Variants in TNNI3K observed in about 807,000 individuals in gnomAD.
TNNI3K encodes serine/threonine-protein kinase TNNI3K.
Under a neutral mutation model 114.5 loss-of-function variants are expected in TNNI3K, and 140 were observed. The observed-to-expected ratio is 1.22, with a 90% CI of 1.07 to 1.41. TNNI3K has a LOEUF of 1.41. TNNI3K is among the 40% of genes most tolerant of loss of function. TNNI3K has a pLI of 0.00. For synonymous variants in TNNI3K, 347 were observed against 347.5 expected, an observed-to-expected ratio of 1.00 and a Z score of 0.02; for missense variants, 1,125 against 1,007.6, an observed-to-expected ratio of 1.12 and a Z score of -1.58.
At chr1:74,355,095 T>C (rs976246902) in intron 11 of TNNI3K, among the ~76,000 whole-genome samples, 5 of 152,214 alleles carry the variant, frequency 3.3e-5, no homozygotes, top group African/African-American at 1.2e-4. Flanking sequence ...TAGGTTATAA[T>C]TGAATACTAT....
intron 20 of TNNI3K, among the ~76,000 whole-genome samples, chr1:74,461,809 T>C (rs1293053038): frequency 6.6e-6 from 1 of 152,200 alleles, no homozygotes; most frequent in Non-Finnish European, 1.5e-5. Context: ...CAAAATATCA[T>C]AAATGAATAA....
intron 23 of TNNI3K, among the ~76,000 whole-genome samples, chr1:74,526,497 G>T (rs1009111884): frequency 1.7e-4 from 26 of 152,142 alleles, no homozygotes; most frequent in Middle Eastern, 3.2e-3. Flanking sequence ...GGCCAAGTTA[G>T]TTGAGCTCTC....
Position 74,540,294 on chromosome 1 carries a change from C to T in TNNI3K, c.2412C>T (p.Tyr804=). ...SLEEMKRSLQ[Y]TPIDKYGYVS... is the part of the protein sequence containing the mutation. The stretch of plus-strand genomic sequence containing the variant: ...AGGAGATGAAAAGAAGTCTTCAATA[C>T]ACACCCATTGACAAATATGGTAAGT... Residue 804 remains tyrosine, a synonymous_variant, in exon 24 of 25, where the codon TAC becomes TAT. Transcript: ENST00000326637. 1 of 1,612,120 alleles carries T rather than the reference C, an allele frequency of 6.2e-7. No individual in the cohort carries two copies.
At chr1:74,298,876 T>C (rs1658150664) in intron 5 of TNNI3K, among the ~76,000 whole-genome samples, 1 of 152,140 alleles carries the variant, frequency 6.6e-6, no homozygotes, top group African/African-American at 2.4e-5. Flanking sequence ...AGCATCAATG[T>C]ATCTTCTAAA....
intron 23 of TNNI3K, among the ~76,000 whole-genome samples, chr1:74,501,699 G>T (rs1014949748): frequency 1.3e-5 from 2 of 152,002 alleles, no homozygotes; most frequent in Non-Finnish European, 1.5e-5. Context: ...ATGTTGGTCA[G>T]GCTGGTTGTG....
chr1:74,446,107 A>G (rs1334468329), intron 20 of TNNI3K, among the ~76,000 whole-genome samples: 6 of 152,024 alleles, frequency 3.9e-5, no homozygotes, highest in Non-Finnish European at 8.8e-5. Context: ...TCCCTGAGGA[A>G]TCGCCACACT....
chr1:74,291,987 G>T (rs1365375736), intron 5 of TNNI3K, among the ~76,000 whole-genome samples: 1 of 151,394 alleles, frequency 6.6e-6, no homozygotes, highest in African/African-American at 2.4e-5. Context: ...CTAGATCTCT[G>T]TTCTGTTCAT....
intron 23 of TNNI3K, among the ~76,000 whole-genome samples, chr1:74,525,912 G>A (rs1514176): frequency 0.47 from 71,910 of 152,026 alleles, 18,057 homozygotes; most frequent in Non-Finnish European, 0.57. Context: ...TTCAATGAGA[G>A]CAAGGCACCC....
At chr1:74,325,649 T>G (rs492428) in intron 5 of TNNI3K, among the ~76,000 whole-genome samples, 141,312 of 152,168 alleles carry the variant, frequency 0.93, 65,709 homozygotes, top group East Asian at 1. Flanking sequence ...GAGTGGTGAG[T>G]TCTAAAGACA....
At chr1:74,308,411 CT>C (rs1409521823) in intron 5 of TNNI3K, among the ~76,000 whole-genome samples, 2 of 152,134 alleles carry the variant, frequency 1.3e-5, no homozygotes, top group Non-Finnish European at 2.9e-5. Context: ...TCCTGAATGA[CT>C]TTTGAATAAA....
intron 17 of TNNI3K, among the ~76,000 whole-genome samples, chr1:74,427,853 T>C (rs1050391342): frequency 6.6e-6 from 1 of 152,086 alleles, no homozygotes; most frequent in Admixed American, 6.6e-5. Flanking sequence ...ATCAATAGCA[T>C]GCATGTATGT....
chr1:74,323,373 C>G (rs189674911), intron 5 of TNNI3K, among the ~76,000 whole-genome samples: 1 of 152,032 alleles, frequency 6.6e-6, no homozygotes, highest in Non-Finnish European at 1.5e-5. Context: ...CTTTAAAATG[C>G]GGCTATTAAT....
At chr1:74,286,833 A>G (rs1657361395) in intron 5 of TNNI3K, among the ~76,000 whole-genome samples, 1 of 152,132 alleles carries the variant, frequency 6.6e-6, no homozygotes, top group African/African-American at 2.4e-5. Context: ...CAAGGATCAC[A>G]AATAATTAGG....
intron 17 of TNNI3K, among the ~76,000 whole-genome samples, chr1:74,434,657 T>A (rs1666043630): frequency 3.9e-5 from 6 of 152,010 alleles, no homozygotes; most frequent in Admixed American, 3.9e-4. Flanking sequence ...GACAGGACAG[T>A]CTGATTCTCA....
At position 74,271,690 on chromosome 1, in the gene TNNI3K, A is replaced by G. The variant is rs141855344; in HGVS notation, c.426A>G (p.Thr142=). 7.3e-5 allele frequency: 117 copies of G among 1,607,610 alleles called. No individual in the cohort carries two copies. In the African/African-American group the frequency reaches 1.3e-3, roughly 18 times the overall value. Residue 142 remains threonine, a synonymous_variant, in exon 5 of 25, where the codon ACA becomes ACG. Transcript: ENST00000326637. ...YGGLTALHIA[T]IAGHLEAADV... is the part of the protein sequence containing the mutation. ...GCCTCACTGCCCTCCATATTGCTAC[A>G]ATAGCTGGCCACCTAGAGGTAAGTC...
chr1:74,413,455 G>A lies in TNNI3K; in HGVS notation c.1773-22625G>A, dbSNP rs149549260. On this transcript the variant is annotated intron_variant, in intron 17 of 24. Coordinates refer to ENST00000326637, the MANE Select transcript of TNNI3K (RefSeq NM_015978.3). ...TGAAATAGTGGTAATCAATTACAAA[G>A]GTGTTGTTACGGTAGAGCCACATAT... 3.7e-4 allele frequency among the ~76,000 whole-genome samples: 56 copies of A among 152,186 alleles called. No individual in the cohort carries two copies. The East Asian group carries it at 9.3e-3, about 25-fold the overall frequency.
chr1:74,518,873 CCTTTTT>C (rs757812209), intron 23 of TNNI3K, among the ~76,000 whole-genome samples: 6 of 100,358 alleles, frequency 6.0e-5, no homozygotes, highest in African/African-American at 2.6e-4. Flanking sequence ...TTTTTTTTCC[CCTTTTT>C]TTTTTTTTTT....
At chr1:74,503,583 A>ATT (rs571571584) in intron 23 of TNNI3K, among the ~76,000 whole-genome samples, 7 of 150,678 alleles carry the variant, frequency 4.6e-5, no homozygotes, top group Admixed American at 1.3e-4. Context: ...GGACAAGACC[A>ATT]TTTTTTTTTA....
At chr1:74,270,213 G>A (rs1656256826) in intron 4 of TNNI3K, among the ~76,000 whole-genome samples, 1 of 151,616 alleles carries the variant, frequency 6.6e-6, no homozygotes, top group Admixed American at 6.6e-5. Context: ...GAATAAGTAT[G>A]GTGAACTCAT....
Sources: gnomAD v4.1 joint callset for allele counts (sites outside exome capture counted in the v4.1 genomes callset) on GRCh38, gnomAD v4.1.1 for gene constraint, MANE v1.5 for transcripts, NCBI Gene and HGNC (gene_info 2026-07-23, HGNC 2026-07-21) for gene names.